The following BABAM2 variants were observed in gnomAD, a reference collection of about 807,000 sequenced individuals.
BABAM2 encodes BRISC and BRCA1-A complex member 2.
BABAM2 carries 31 observed loss-of-function variants against 54.7 expected under a neutral mutation model. The observed-to-expected ratio is 0.57, with a 90% CI of 0.43 to 0.77. The LOEUF is 0.77. Ranked by LOEUF, BABAM2 falls within the 30% of genes least tolerant of loss-of-function variation. The pLI is 0.00. For synonymous variants in BABAM2, 167 were observed against 162.9 expected, an observed-to-expected ratio of 1.03 and a Z score of -0.19; for missense variants, 364 against 455.8, an observed-to-expected ratio of 0.80 and a Z score of 1.83.
At chr2:28,336,170 C>T (rs758776085) in intron 11 of BABAM2, among the ~76,000 whole-genome samples, 1 of 152,180 alleles carries the variant, frequency 6.6e-6, no homozygotes, top group South Asian at 2.1e-4. Context: ...GGAGAAGCAG[C>T]TTCTGCAGCA....
intron 10 of BABAM2, among the ~76,000 whole-genome samples, chr2:28,281,102 T>A (rs1686320483): frequency 6.6e-6 from 1 of 152,218 alleles, no homozygotes; most frequent in Non-Finnish European, 1.5e-5. Flanking sequence ...CTTTATTCAA[T>A]CCCTAGTCTT....
At chr2:28,062,577 A>C (rs1471308537) in intron 6 of BABAM2, among the ~76,000 whole-genome samples, 4 of 18,788 alleles carry the variant, frequency 2.1e-4, no homozygotes, top group Non-Finnish European at 8.6e-4. Context: ...AAAAAAACCA[A>C]AAAAAAAAAA....
intron 11 of BABAM2, among the ~76,000 whole-genome samples, chr2:28,307,137 G>A (rs1688624708): frequency 6.7e-6 from 1 of 148,334 alleles, no homozygotes; most frequent in African/African-American, 2.5e-5. Context: ...CTCCCAAATA[G>A]CTGGGACTAT....
intron 3 of BABAM2, among the ~76,000 whole-genome samples, chr2:27,961,826 C>T (rs1670494207): frequency 6.7e-6 from 1 of 148,792 alleles, no homozygotes; most frequent in African/African-American, 2.5e-5. Context: ...CTCCTAGGCT[C>T]AAGTGATCCT....
chr2:28,254,292 A>C (rs1360980936), intron 10 of BABAM2, among the ~76,000 whole-genome samples: 1 of 152,158 alleles, frequency 6.6e-6, no homozygotes, highest in Non-Finnish European at 1.5e-5. Context: ...ATGTGCCACC[A>C]TGACCAAATA....
intron 7 of BABAM2, among the ~76,000 whole-genome samples, chr2:28,221,885 A>G (rs1297747588): frequency 6.6e-6 from 1 of 152,202 alleles, no homozygotes. Flanking sequence ...TAACAGTTTC[A>G]GAATGTGATG....
chr2:28,035,070 C>G (rs1322982138), intron 5 of BABAM2, among the ~76,000 whole-genome samples: 1 of 151,776 alleles, frequency 6.6e-6, no homozygotes, highest in Non-Finnish European at 1.5e-5. Flanking sequence ...AGAATTAGTA[C>G]AAAAAAACTC....
chr2:28,007,983 A>T (rs1264359017), intron 4 of BABAM2, among the ~76,000 whole-genome samples: 1 of 152,150 alleles, frequency 6.6e-6, no homozygotes, highest in Non-Finnish European at 1.5e-5. Flanking sequence ...AATTTTGTTT[A>T]TAATGAATTG....
intron 1 of BABAM2, among the ~76,000 whole-genome samples, chr2:27,893,923 G>A (rs537052918): frequency 6.6e-6 from 1 of 151,554 alleles, no homozygotes; most frequent in South Asian, 2.1e-4. Context: ...GAACCCGGGA[G>A]GTGGAGTTTG....
intron 7 of BABAM2, among the ~76,000 whole-genome samples, chr2:28,135,321 A>G (rs576164445): frequency 6.6e-6 from 1 of 152,204 alleles, no homozygotes; most frequent in African/African-American, 2.4e-5. Flanking sequence ...GATCCTCATG[A>G]TAGTATGTCT....
intron 7 of BABAM2, among the ~76,000 whole-genome samples, chr2:28,206,648 G>A (rs1678877041): frequency 6.6e-6 from 1 of 152,148 alleles, no homozygotes; most frequent in Non-Finnish European, 1.5e-5. Context: ...TCTATCCAGA[G>A]GAAGGGGCAT....
At position 27,940,267 on chromosome 2, in the gene BABAM2, A is replaced by G. The variant is rs576428124; in HGVS notation, c.205+10359A>G. 1.5e-3 allele frequency among the ~76,000 whole-genome samples: 226 copies of G among 152,322 alleles called. 1 individual carries two copies. The highest frequency in any genetic ancestry group is 5.1e-3 in the African/African-American group (213 of 41,578). ...AAAAAGAGCCATGAGTGTCATATAA[A>G]CACCTGTTTGTAAATATAGCCATCC... On this transcript the variant is annotated intron_variant, in intron 3 of 11. Coordinates refer to ENST00000379624, the MANE Select transcript of BABAM2 (RefSeq NM_199191.3).
intron 5 of BABAM2, 134 bp downstream of exon 5, chr2:28,025,554 T>TA: frequency 1.1e-6 from 1 of 898,570 alleles, no homozygotes; most frequent in South Asian, 2.4e-5. Flanking sequence ...TCTCATAATT[T>TA]AGAGTTTAAA....
intron 7 of BABAM2, among the ~76,000 whole-genome samples, chr2:28,140,039 G>A (rs779334260): frequency 6.6e-5 from 10 of 151,976 alleles, no homozygotes; most frequent in Non-Finnish European, 1.2e-4. Context: ...ACTTTTCCTC[G>A]TAAATGATCA....
rs1037916764 is a variant in BABAM2, at chr2:28,113,748, C to T, written c.571-15523C>T. On this transcript the variant is annotated intron_variant, in intron 6 of 11. Coordinates refer to ENST00000379624, the MANE Select transcript of BABAM2 (RefSeq NM_199191.3). ...CTATGAATTACTTTGGGCAGTAGGG[C>T]CATTTTTACGATATTGATTCTTCCT... Among the ~76,000 whole-genome samples the T allele has an allele frequency of 5.3e-5, 8 of 152,228 alleles. No individual in the cohort carries two copies. The Middle Eastern group carries it at 0.014, about 259-fold the overall frequency.
chr2:28,065,700 G>A (rs1426085136), intron 6 of BABAM2, among the ~76,000 whole-genome samples: 1 of 152,144 alleles, frequency 6.6e-6, no homozygotes, highest in Non-Finnish European at 1.5e-5. Context: ...AATACAGAAA[G>A]TTTTAAGGAA....
intron 5 of BABAM2, among the ~76,000 whole-genome samples, chr2:28,026,975 TATAA>T (rs1339257575): frequency 1.9e-5 from 2 of 106,776 alleles, no homozygotes; most frequent in African/African-American, 7.7e-5. Context: ...TATATAAATA[TATAA>T]ATATATATAA....
chr2:28,229,728 G>A (rs186419829), intron 7 of BABAM2, among the ~76,000 whole-genome samples: 1 of 151,888 alleles, frequency 6.6e-6, no homozygotes, highest in Non-Finnish European at 1.5e-5. Flanking sequence ...GGAACTACAG[G>A]TGTGCACCAC....
chr2:28,020,855 C>A (rs2148553588), intron 4 of BABAM2, among the ~76,000 whole-genome samples: 1 of 151,792 alleles, frequency 6.6e-6, no homozygotes, highest in South Asian at 2.1e-4. Flanking sequence ...TAAAGTCCCC[C>A]CCGTTATTTT....
Sources: allele counts gnomAD v4.1 joint callset (sites outside exome capture counted in the v4.1 genomes callset), GRCh38; gene constraint gnomAD v4.1.1; transcripts MANE v1.5; gene names NCBI Gene and HGNC (gene_info 2026-07-23, HGNC 2026-07-21).